Variants in WWOX observed in about 807,000 individuals in gnomAD.
The protein encoded by WWOX is WW domain containing oxidoreductase.
A neutral mutation model predicts 46.2 loss-of-function variants in WWOX; 69 were observed. The observed-to-expected ratio is 1.49, with a 90% CI of 1.23 to 1.82. WWOX has a LOEUF of 1.82. Ranked by LOEUF, WWOX falls within the 40% of genes most tolerant of loss-of-function variation. The pLI is 0.00. For missense variants in WWOX, 919 were observed against 542.6 expected, an observed-to-expected ratio of 1.69 and a Z score of -6.89; for synonymous variants, 359 against 202.6, an observed-to-expected ratio of 1.77 and a Z score of -6.56.
chr16:78,770,140 C>T (rs1033316497), intron 8 of WWOX, among the ~76,000 whole-genome samples: 2 of 152,090 alleles, frequency 1.3e-5, no homozygotes, highest in African/African-American at 4.8e-5. Context: ...TCACTGAGGT[C>T]AGGAGTTCGA....
At chr16:78,221,046 T>G (rs1020270502) in intron 5 of WWOX, among the ~76,000 whole-genome samples, 2 of 152,212 alleles carry the variant, frequency 1.3e-5, no homozygotes, top group Non-Finnish European at 2.9e-5. Context: ...TTTAAGTAGG[T>G]GAATCTTGGA....
At chr16:79,126,523 G>A (rs867075812) in intron 8 of WWOX, among the ~76,000 whole-genome samples, 1 of 152,156 alleles carries the variant, frequency 6.6e-6, no homozygotes, top group Non-Finnish European at 1.5e-5. Flanking sequence ...GCCGCCTTGT[G>A]AAGAAGGTTC....
At chr16:78,810,122 G>A (rs771725063) in intron 8 of WWOX, among the ~76,000 whole-genome samples, 3 of 152,204 alleles carry the variant, frequency 2.0e-5, no homozygotes, top group African/African-American at 4.8e-5. Context: ...TGGGGAAGAG[G>A]AGCCCTCATA....
At chr16:78,551,900 G>C (rs2044182923) in intron 8 of WWOX, 2 of 152,216 alleles carry the variant, frequency 1.3e-5, no homozygotes, top group Admixed American at 1.3e-4. Context: ...TCTGTTATGT[G>C]GTTTGCAGTG....
At chr16:79,076,547 A>G (rs1011009616) in intron 8 of WWOX, among the ~76,000 whole-genome samples, 1 of 151,962 alleles carries the variant, frequency 6.6e-6, no homozygotes, top group African/African-American at 2.4e-5. Context: ...ATCTAAGCTA[A>G]CTCTCCGATG....
chr16:78,402,151 C>T (rs2082427464), intron 6 of WWOX, among the ~76,000 whole-genome samples: 1 of 152,202 alleles, frequency 6.6e-6, no homozygotes, highest in Non-Finnish European at 1.5e-5. Flanking sequence ...CTACTTCCTC[C>T]AGTCCCAAGG....
At chr16:78,997,669 C>G (rs1048316297) in intron 8 of WWOX, among the ~76,000 whole-genome samples, 4 of 152,094 alleles carry the variant, frequency 2.6e-5, no homozygotes, top group African/African-American at 9.7e-5. Context: ...TGTCTCTCCC[C>G]TCTCCTCCCC....
intron 5 of WWOX, among the ~76,000 whole-genome samples, chr16:78,223,897 C>T (rs542648914): frequency 1.3e-5 from 2 of 152,258 alleles, no homozygotes; most frequent in African/African-American, 4.8e-5. Flanking sequence ...TGTCATTATT[C>T]CTGTTTTATA....
At chr16:78,772,773 C>A (rs932659245) in intron 8 of WWOX, among the ~76,000 whole-genome samples, 1 of 152,124 alleles carries the variant, frequency 6.6e-6, no homozygotes, top group Non-Finnish European at 1.5e-5. Flanking sequence ...AATCTCAGCG[C>A]TTTGTGGGGC....
chr16:78,281,623 C>T (rs1314577795), intron 5 of WWOX, among the ~76,000 whole-genome samples: 2 of 152,070 alleles, frequency 1.3e-5, no homozygotes, highest in African/African-American at 4.8e-5. Flanking sequence ...CAGGCATAAA[C>T]GACATGTAAA....
At chr16:78,952,000 CA>C (rs1275483869) in intron 8 of WWOX, among the ~76,000 whole-genome samples, 1 of 152,132 alleles carries the variant, frequency 6.6e-6, no homozygotes, top group East Asian at 1.9e-4. Context: ...CTAATCTTCC[CA>C]CCCTCAGATA....
At chr16:78,398,877 A>G (rs967711258) in intron 6 of WWOX, among the ~76,000 whole-genome samples, 2 of 152,250 alleles carry the variant, frequency 1.3e-5, no homozygotes, top group Non-Finnish European at 2.9e-5. Flanking sequence ...AACCTGTGTC[A>G]TCATTGTCAT....
At chr16:78,728,056 T>TTCC (rs534538322) in intron 8 of WWOX, among the ~76,000 whole-genome samples, 14,408 of 68,364 alleles carry the variant, frequency 0.21, 2,775 homozygotes, top group African/African-American at 0.39. Flanking sequence ...CCCTCCTTCC[T>TTCC]TTTTTTTTTT....
intron 8 of WWOX, among the ~76,000 whole-genome samples, chr16:78,923,442 C>G (rs998440415): frequency 1.3e-4 from 20 of 152,192 alleles, no homozygotes; most frequent in African/African-American, 4.6e-4. Context: ...ATTTTTTGAG[C>G]CTACCTTTCC....
At chr16:79,179,053 T>C (rs2050858272) in intron 8 of WWOX, among the ~76,000 whole-genome samples, 1 of 152,174 alleles carries the variant, frequency 6.6e-6, no homozygotes, top group South Asian at 2.1e-4. Context: ...AGCAATATTC[T>C]GTGAGCCTGG....
At chr16:78,590,146 G>GTTTCTCTC (rs1555569766) in intron 8 of WWOX, among the ~76,000 whole-genome samples, 2 of 149,618 alleles carry the variant, frequency 1.3e-5, no homozygotes, top group Non-Finnish European at 3.0e-5. Flanking sequence ...TAGGCATTCA[G>GTTTCTCTC]TCTCTCTCTC....
chr16:78,872,066 G>A (rs758776716), intron 8 of WWOX, among the ~76,000 whole-genome samples: 2 of 152,208 alleles, frequency 1.3e-5, no homozygotes, highest in African/African-American at 4.8e-5. Context: ...CTTCTAACCA[G>A]TGTTTGAAGT....
At chr16:78,633,831 G>C (rs1329084686) in intron 8 of WWOX, among the ~76,000 whole-genome samples, 4 of 152,112 alleles carry the variant, frequency 2.6e-5, no homozygotes, top group Non-Finnish European at 5.9e-5. Flanking sequence ...CGGGGATTGG[G>C]ACCTGTTTTC....
At chr16:79,008,057 A>C (rs1597268432) in intron 8 of WWOX, among the ~76,000 whole-genome samples, 1 of 152,328 alleles carries the variant, frequency 6.6e-6, no homozygotes, top group East Asian at 1.9e-4. Context: ...ATGAGGCTGA[A>C]ATCAAAGCGT....
Sources: gnomAD v4.1 joint callset for allele counts (sites outside exome capture counted in the v4.1 genomes callset) on GRCh38, gnomAD v4.1.1 for gene constraint, MANE v1.5 for transcripts, NCBI Gene and HGNC (gene_info 2026-07-23, HGNC 2026-07-21) for gene names.